Variants in EYS observed in about 807,000 individuals in gnomAD.
The protein encoded by EYS is EGF-like photoreceptor maintenance factor.
A neutral mutation model predicts 282.1 loss-of-function variants in EYS; 250 were observed. The observed-to-expected ratio is 0.89, with a 90% CI of 0.80 to 0.98. EYS has a LOEUF of 0.98. Ranked by LOEUF, EYS falls within the 50% of genes least tolerant of loss-of-function variation. The pLI is 0.00. For missense variants in EYS, 4,016 were observed against 3,709.0 expected (o/e 1.08, Z -2.15); for synonymous variants, 1,355 against 1,282.9 (o/e 1.06, Z -1.20).
chr6:63,824,963 A>G (rs1771419706), intron 36 of EYS, among the ~76,000 whole-genome samples: 2 of 152,208 alleles, frequency 1.3e-5, no homozygotes, highest in Non-Finnish European at 2.9e-5. Context: ...CAGGGGAAGA[A>G]CTAAAGCCCT....
intron 11 of EYS, among the ~76,000 whole-genome samples, chr6:65,317,944 C>G (rs529712062): frequency 1.4e-3 from 216 of 149,484 alleles, no homozygotes; most frequent in Non-Finnish European, 2.4e-3. Flanking sequence ...CTCGGCTCAC[C>G]GCAACCTCCT....
At chr6:63,800,129 T>C (rs1172435055) in intron 37 of EYS, among the ~76,000 whole-genome samples, 1 of 151,858 alleles carries the variant, frequency 6.6e-6, no homozygotes, top group Non-Finnish European at 1.5e-5. Context: ...TCTCACTGGA[T>C]GAGATTTCTA....
intron 42 of EYS, among the ~76,000 whole-genome samples, chr6:63,724,492 A>G (rs1210083841): frequency 6.6e-6 from 1 of 152,170 alleles, no homozygotes; most frequent in Non-Finnish European, 1.5e-5. Flanking sequence ...CTTTTTATAC[A>G]CGTTGGGAGG....
chr6:64,439,470 T>C (rs968927704), intron 26 of EYS, 118 bp from the exon 27 acceptor site: 1 of 594,914 alleles, frequency 1.7e-6, no homozygotes, highest in Non-Finnish European at 2.7e-6. Context: ...TTCCTGCCTC[T>C]TTCAAGCCCA....
At chr6:65,177,710 T>A (rs1765261184) in intron 12 of EYS, among the ~76,000 whole-genome samples, 1 of 151,882 alleles carries the variant, frequency 6.6e-6, no homozygotes, top group African/African-American at 2.4e-5. Flanking sequence ...CAATTTTTTT[T>A]TCATGTTGGC....
intron 22 of EYS, among the ~76,000 whole-genome samples, chr6:64,636,755 C>A (rs1268567648): frequency 6.6e-6 from 1 of 151,218 alleles, no homozygotes; most frequent in East Asian, 1.9e-4. Context: ...AAAAGACAAA[C>A]AACCCCATCA....
intron 31 of EYS, among the ~76,000 whole-genome samples, chr6:64,129,950 C>T (rs554612854): frequency 6.6e-6 from 1 of 152,226 alleles, no homozygotes; most frequent in Non-Finnish European, 1.5e-5. Context: ...AGATATGTGG[C>T]ATTATTTCTG....
At chr6:65,019,192 A>T (rs1209101031) in intron 13 of EYS, among the ~76,000 whole-genome samples, 1 of 152,200 alleles carries the variant, frequency 6.6e-6, no homozygotes, top group Non-Finnish European at 1.5e-5. Context: ...TTATATTAAA[A>T]TTTTTGTGAA....
intron 1 of EYS, among the ~76,000 whole-genome samples, chr6:65,705,142 C>T (rs1350668556): frequency 6.6e-6 from 1 of 152,146 alleles, no homozygotes. Flanking sequence ...ATAAAAGTTA[C>T]TATGAGCCTC....
intron 15 of EYS, among the ~76,000 whole-genome samples, chr6:64,913,584 G>T (rs1445509411): frequency 6.6e-6 from 1 of 152,114 alleles, no homozygotes; most frequent in Non-Finnish European, 1.5e-5. Flanking sequence ...CAAAGGACAT[G>T]ATTTAATTCT....
chr6:63,984,452 T>C lies in EYS; in HGVS notation c.6986A>G (p.Lys2329Arg). 6.5e-7 allele frequency: 1 copy of C among 1,549,864 alleles called. No homozygotes were observed. Among genetic ancestry groups the C allele is most frequent in the Non-Finnish European group, 8.7e-7 (1 of 1,145,672 alleles). Residue 2329 changes from lysine to arginine, a missense_variant, in exon 35 of 43, where the codon AAG becomes AGG. Physicochemically the swap from Lys to Arg is conservative, Grantham distance 26. Transcript: ENST00000503581. ...AGGGACGTGGCAGTTCTCAATATTCTTTCCATGTCGTGCTTCATCGATGAT... is the reference window on the plus strand; with the variant it reads ...AGGGACGTGGCAGTTCTCAATATTCCTTCCATGTCGTGCTTCATCGATGAT... ...FFIIDEARHG[K>R]NIENCHVPWC...
chr6:64,108,551 C>T (rs1359757243), intron 31 of EYS, among the ~76,000 whole-genome samples: 1 of 144,944 alleles, frequency 6.9e-6, no homozygotes, highest in Non-Finnish European at 1.5e-5. Flanking sequence ...AATCTTTAAG[C>T]CTCCGTAAAA....
At chr6:64,677,792 T>C (rs1291275925) in intron 22 of EYS, among the ~76,000 whole-genome samples, 1 of 152,128 alleles carries the variant, frequency 6.6e-6, no homozygotes, top group Non-Finnish European at 1.5e-5. Flanking sequence ...GTTTCTTTTT[T>C]CACCTCATCA....
rs552782812 is a variant in EYS, at chr6:64,571,175, T to C, written c.5644+19048A>G. 3.3e-5 allele frequency among the ~76,000 whole-genome samples: 5 copies of C among 152,260 alleles called. No individual in the cohort carries two copies. In the East Asian group the frequency reaches 9.6e-4, roughly 29 times the overall value. ...GGAAACTGAACAAATTGCTCCTGAATGACACACTAGTTAAATAACAAAATT... is the reference window on the plus strand; with the variant it reads ...GGAAACTGAACAAATTGCTCCTGAACGACACACTAGTTAAATAACAAAATT... On this transcript the variant is annotated intron_variant, in intron 26 of 42. Coordinates refer to ENST00000503581, the MANE Select transcript of EYS (RefSeq NM_001142800.2).
rs147370170 is a variant in EYS, at chr6:64,827,653, T to C, written c.2993-4831A>G. On this transcript the variant is annotated intron_variant, in intron 19 of 42. Coordinates refer to ENST00000503581, the MANE Select transcript of EYS (RefSeq NM_001142800.2). ...GAATCAGTGATTTTAAAAATTCAAA[T>C]TCATATTTCTAACCATTTTGAATTA... is the stretch of plus-strand genomic sequence containing the variant. Among the ~76,000 whole-genome samples the C allele has an allele frequency of 6.4e-3, 967 of 151,942 alleles. 9 individuals carry two copies. Among genetic ancestry groups the C allele is most frequent in the Non-Finnish European group, 7.6e-3 (519 of 67,856 alleles).
chr6:64,319,663 G>A (rs6454795), intron 29 of EYS, among the ~76,000 whole-genome samples: 102,094 of 151,810 alleles, frequency 0.67, 34,424 homozygotes, highest in South Asian at 0.71. Flanking sequence ...ATGTGTGTGT[G>A]TCTGTGTGTA....
chr6:65,120,276 A>G (rs1310890903), intron 12 of EYS, among the ~76,000 whole-genome samples: 1 of 151,730 alleles, frequency 6.6e-6, no homozygotes, highest in Non-Finnish European at 1.5e-5. Context: ...CCATATGAAG[A>G]TGGGTTTAAA....
At chr6:64,288,211 A>G (rs1209070150) in intron 30 of EYS, among the ~76,000 whole-genome samples, 1 of 151,998 alleles carries the variant, frequency 6.6e-6, no homozygotes, top group East Asian at 1.9e-4. Context: ...GTGTCTTTTT[A>G]CTCATTTTAA....
chr6:64,792,115 A>G (rs1423856083), intron 22 of EYS, among the ~76,000 whole-genome samples: 1 of 151,808 alleles, frequency 6.6e-6, no homozygotes, highest in Non-Finnish European at 1.5e-5. Flanking sequence ...ACTTTTGGGT[A>G]TTCAAACTAC....
Sources: allele counts gnomAD v4.1 joint callset (sites outside exome capture counted in the v4.1 genomes callset), GRCh38; gene constraint gnomAD v4.1.1; transcripts MANE v1.5; gene names NCBI Gene and HGNC (gene_info 2026-07-23, HGNC 2026-07-21).